Variants in AFF1 observed in about 807,000 individuals in gnomAD.
AFF1 encodes AF4/FMR2 family member 1.
In AFF1, 48 loss-of-function variants were observed where a neutral mutation model predicts 121.7. That is an observed-to-expected ratio of 0.39 (90% confidence interval 0.31 to 0.50). The LOEUF is 0.50. AFF1 is among the 20% of genes least tolerant of loss of function. The pLI is 0.76. For missense variants in AFF1, 1,523 were observed against 1,511.7 expected (o/e 1.01, Z -0.12); for synonymous variants, 613 against 563.0 (o/e 1.09, Z -1.26).
chr4:86,977,558 CT>C (rs770608010), intron 2 of AFF1, among the ~76,000 whole-genome samples: 17 of 152,094 alleles, frequency 1.1e-4, no homozygotes, highest in Non-Finnish European at 1.5e-4. Flanking sequence ...CCAACCTCAC[CT>C]TTTTCCCTCA....
intron 5 of AFF1, among the ~76,000 whole-genome samples, chr4:87,088,311 G>A (rs779960967): frequency 9.2e-5 from 14 of 152,180 alleles, no homozygotes; most frequent in Admixed American, 2.0e-4. Flanking sequence ...TAAGAAAGCC[G>A]GCATCACTTA....
intron 2 of AFF1, among the ~76,000 whole-genome samples, chr4:87,025,828 C>T (rs538867680): frequency 5.9e-5 from 9 of 152,186 alleles, no homozygotes; most frequent in Admixed American, 1.3e-4. Flanking sequence ...TTTCCGAGAG[C>T]GTCTGTACAT....
At chr4:87,126,417 G>T in intron 14 of AFF1, 81 bp downstream of exon 14, 1 of 1,353,546 alleles carries the variant, frequency 7.4e-7, no homozygotes, top group South Asian at 1.2e-5. Flanking sequence ...AGTTGCTAGT[G>T]ATGGCACTTC....
At chr4:87,125,958 C>T (rs1306028642) in intron 13 of AFF1, 141 bp from the exon 14 acceptor site, 5 of 802,936 alleles carry the variant, frequency 6.2e-6, no homozygotes, top group Non-Finnish European at 1.0e-5. Flanking sequence ...TCAAAAAGTC[C>T]CTGAAATTTG....
intron 2 of AFF1, among the ~76,000 whole-genome samples, chr4:87,023,225 C>G (rs1728207037): frequency 6.6e-6 from 1 of 152,052 alleles, no homozygotes; most frequent in Admixed American, 6.6e-5. Context: ...TATAACTGTG[C>G]TTTTCAATGT....
chr4:87,067,549 A>G (rs1435613179), intron 4 of AFF1, among the ~76,000 whole-genome samples: 1 of 152,224 alleles, frequency 6.6e-6, no homozygotes, highest in Admixed American at 6.5e-5. Context: ...TTACAAATTC[A>G]TGCATGTTCT....
At chr4:87,040,488 TGA>T (rs936897680) in intron 2 of AFF1, among the ~76,000 whole-genome samples, 1 of 152,164 alleles carries the variant, frequency 6.6e-6, no homozygotes, top group African/African-American at 2.4e-5. Flanking sequence ...GAACTGTGGC[TGA>T]GAGTATAAGC....
chr4:86,952,906 C>T (rs1251138754), intron 2 of AFF1, among the ~76,000 whole-genome samples: 2 of 151,366 alleles, frequency 1.3e-5, no homozygotes, highest in Non-Finnish European at 2.9e-5. Flanking sequence ...GTGGTTTCAC[C>T]ATATTGTCCA....
intron 2 of AFF1, among the ~76,000 whole-genome samples, chr4:87,018,102 G>T (rs1206439787): frequency 6.6e-6 from 1 of 152,208 alleles, no homozygotes; most frequent in Non-Finnish European, 1.5e-5. Flanking sequence ...AATTATATCA[G>T]TATCAACAGC....
At chr4:87,080,895 A>C (rs1723096048) in intron 4 of AFF1, among the ~76,000 whole-genome samples, 1 of 152,194 alleles carries the variant, frequency 6.6e-6, no homozygotes, top group South Asian at 2.1e-4. Flanking sequence ...ATGGAACATA[A>C]AATGATCTCA....
intron 2 of AFF1, among the ~76,000 whole-genome samples, chr4:86,970,783 G>A (rs1722885371): frequency 6.6e-6 from 1 of 152,208 alleles, no homozygotes; most frequent in African/African-American, 2.4e-5. Flanking sequence ...TAGAACTGGA[G>A]CTGGGGGTGG....
At chr4:87,031,981 G>A (rs963485706) in intron 2 of AFF1, among the ~76,000 whole-genome samples, 1 of 152,200 alleles carries the variant, frequency 6.6e-6, no homozygotes, top group Non-Finnish European at 1.5e-5. Context: ...CAAGTGAACT[G>A]CCTATTGGTA....
intron 2 of AFF1, among the ~76,000 whole-genome samples, chr4:86,960,016 T>G (rs1327860391): frequency 2.0e-5 from 3 of 152,202 alleles, no homozygotes; most frequent in Admixed American, 1.3e-4. Context: ...CTGACTCTTT[T>G]CACATCAAAG....
intron 3 of AFF1, 41 bp downstream of exon 3, chr4:87,046,327 C>T (rs774819418): frequency 1.3e-6 from 2 of 1,598,390 alleles, no homozygotes; most frequent in African/African-American, 1.4e-5. Context: ...TGATTTATCA[C>T]AATGTTGAAC....
chr4:87,116,399 C>G (rs1368199209), intron 12 of AFF1, among the ~76,000 whole-genome samples: 1 of 152,050 alleles, frequency 6.6e-6, no homozygotes, highest in East Asian at 1.9e-4. Flanking sequence ...GAGTTTTTCC[C>G]CAGTAGCATT....
chr4:87,013,032 CTTTTTTTTTTTTTTTT>C (rs61071328), intron 2 of AFF1, among the ~76,000 whole-genome samples: 1 of 93,514 alleles, frequency 1.1e-5, no homozygotes, highest in South Asian at 4.7e-4. Flanking sequence ...CTATCAAGTT[CTTTTTTTTTTTTTTTT>C]TTTTTTTTTT....
Position 87,135,860 on chromosome 4 carries a change from T to A in AFF1, c.*159T>A. On this transcript the variant is annotated 3_prime_UTR_variant, in exon 21 of 21. Coordinates refer to ENST00000395146, the MANE Select transcript of AFF1 (RefSeq NM_001166693.3). Reference sequence around the variant, plus strand: ...TCCACTTAAACTCTCAACAACAGTGTGATCATTGGTTGGACACTGTGGTTA... The same window carrying A: ...TCCACTTAAACTCTCAACAACAGTGAGATCATTGGTTGGACACTGTGGTTA... 5 of 1,167,858 alleles carry A rather than the reference T, an allele frequency of 4.3e-6. No homozygotes were observed. Among genetic ancestry groups the A allele is most frequent in the Non-Finnish European group, 5.7e-6 (5 of 872,832 alleles). 72.3% of individuals were successfully genotyped at this position (1,167,858 alleles called of 1,614,324 possible).
chr4:86,962,453 T>C (rs1214254996), intron 2 of AFF1, among the ~76,000 whole-genome samples: 2 of 152,364 alleles, frequency 1.3e-5, no homozygotes, highest in Non-Finnish European at 2.9e-5. Context: ...TGGTACTCAA[T>C]AGACATTTAA....
chr4:87,109,511 C>T (rs780124944), intron 11 of AFF1, among the ~76,000 whole-genome samples: 4 of 152,158 alleles, frequency 2.6e-5, no homozygotes, highest in Non-Finnish European at 4.4e-5. Flanking sequence ...TTATATGATA[C>T]TAATTGCTAT....
Sources: allele counts gnomAD v4.1 joint callset (sites outside exome capture counted in the v4.1 genomes callset), GRCh38; gene constraint gnomAD v4.1.1; transcripts MANE v1.5; gene names NCBI Gene and HGNC (gene_info 2026-07-23, HGNC 2026-07-21).